TMEM181: variants seen among roughly 807,000 people sequenced by gnomAD.
The protein encoded by TMEM181 is transmembrane protein 181, also known as G protein-coupled receptor 178.
TMEM181 carries 39 observed loss-of-function variants against 71.9 expected under a neutral mutation model. The ratio of observed to expected loss-of-function variants is 0.54; its 90% CI spans 0.42 to 0.71. The LOEUF (loss-of-function observed/expected upper bound fraction) is 0.71. TMEM181 is among the 30% of genes least tolerant of loss of function. The pLI is 0.00. For synonymous variants in TMEM181, 245 were observed against 228.8 expected (o/e 1.07, Z -0.64); for missense variants, 595 against 583.0 (o/e 1.02, Z -0.21).
chr6:158,590,570 TCTC>T (rs1241952751), intron 6 of TMEM181, among the ~76,000 whole-genome samples: 18 of 152,258 alleles, frequency 1.2e-4, no homozygotes, highest in African/African-American at 4.1e-4. Context: ...TTCAAGCAAT[TCTC>T]CTGCCTCAGC....
chr6:158,627,166 TCACA>T (rs1227763024), intron 13 of TMEM181, among the ~76,000 whole-genome samples: 8 of 143,588 alleles, frequency 5.6e-5, no homozygotes, highest in Middle Eastern at 4.3e-3. Flanking sequence ...TCACACATCC[TCACA>T]CACACCCTCA....
chr6:158,613,722 G>A lies in TMEM181; in HGVS notation c.896+4972G>A, dbSNP rs189285613. Among the ~76,000 whole-genome samples, 323 of 152,286 alleles carry A rather than the reference G, an allele frequency of 2.1e-3. 1 individual carries two copies. Among genetic ancestry groups the A allele is most frequent in the Non-Finnish European group, 3.0e-3 (207 of 68,024 alleles). ...AGTTTCTCCAATTGTGTTCTGTTACGCAAGAAAATATATTCTTACCGCACT... is the reference window on the plus strand; with the variant it reads ...AGTTTCTCCAATTGTGTTCTGTTACACAAGAAAATATATTCTTACCGCACT... On this transcript the variant is annotated intron_variant, in intron 10 of 16. Transcript: ENST00000684151.
At chr6:158,597,216 G>T (rs904694640) in intron 6 of TMEM181, among the ~76,000 whole-genome samples, 5 of 152,050 alleles carry the variant, frequency 3.3e-5, no homozygotes, top group African/African-American at 1.2e-4. Flanking sequence ...ATGAACATTT[G>T]GTTCATTTGT....
chr6:158,557,807 G>A (rs142423468), upstream of TMEM181, among the ~76,000 whole-genome samples: 2,108 of 152,322 alleles, frequency 0.014, 50 homozygotes, highest in African/African-American at 0.047. Context: ...GAGCCACCAT[G>A]CCCATGCCCG....
intron 6 of TMEM181, among the ~76,000 whole-genome samples, chr6:158,603,402 T>G (rs1257980091): frequency 2.0e-5 from 3 of 152,090 alleles, no homozygotes; most frequent in African/African-American, 7.2e-5. Flanking sequence ...TCTGTGAGAA[T>G]CTAATGCCCT....
chr6:158,591,643 C>G (rs1387395280), intron 6 of TMEM181, among the ~76,000 whole-genome samples: 1 of 151,984 alleles, frequency 6.6e-6, no homozygotes, highest in Non-Finnish European at 1.5e-5. Flanking sequence ...ATCATCTGTG[C>G]TTTAGACTTT....
intron 13 of TMEM181, among the ~76,000 whole-genome samples, chr6:158,627,293 A>G (rs115813125): frequency 0.021 from 3,167 of 152,284 alleles, 122 homozygotes; most frequent in African/African-American, 0.073. Context: ...TTGCCCTGCC[A>G]TGTGATCTCT....
chr6:158,599,088 T>C (rs574240888), intron 6 of TMEM181, among the ~76,000 whole-genome samples: 208 of 152,346 alleles, frequency 1.4e-3, no homozygotes, highest in African/African-American at 4.7e-3. Context: ...TTTCTGTGGT[T>C]GTCCATTCAG....
chr6:158,609,309 C>A (rs1224293830), intron 10 of TMEM181, among the ~76,000 whole-genome samples: 1 of 151,978 alleles, frequency 6.6e-6, no homozygotes, highest in African/African-American at 2.4e-5. Context: ...TATACCCATA[C>A]TATGTTTTTC....
At chr6:158,605,182 A>T in intron 6 of TMEM181, 85 bp from the exon 7 acceptor site, 1 of 966,182 alleles carries the variant, frequency 1.0e-6, no homozygotes, top group Non-Finnish European at 1.6e-6. Context: ...TGTCTCATCT[A>T]GAGATAACTA....
At chr6:158,602,516 T>G (rs1377512968) in intron 6 of TMEM181, among the ~76,000 whole-genome samples, 1 of 152,236 alleles carries the variant, frequency 6.6e-6, no homozygotes, top group African/African-American at 2.4e-5. Flanking sequence ...TTACTTCATA[T>G]CCCGTCAATG....
At chr6:158,628,137 G>C (rs1404521842) in intron 13 of TMEM181, 1 of 622,230 alleles carries the variant, frequency 1.6e-6, no homozygotes, top group Non-Finnish European at 3.0e-6. Flanking sequence ...GGGAGAGTGT[G>C]ATGGGGCCTG....
At chr6:158,538,467 C>G (rs1466468323) in intron 1 of TMEM181, among the ~76,000 whole-genome samples, 1 of 112,890 alleles carries the variant, frequency 8.9e-6, no homozygotes, top group Non-Finnish European at 2.1e-5. Flanking sequence ...TTTTTTTTTT[C>G]CTGTATTTTC....
chr6:158,584,232 T>C (rs1014452108), intron 4 of TMEM181, among the ~76,000 whole-genome samples, 188 bp downstream of exon 4: 2 of 152,262 alleles, frequency 1.3e-5, no homozygotes, highest in Admixed American at 6.5e-5. Context: ...AAAGTTGCGA[T>C]AGATAGACGT....
chr6:158,608,113 G>A (rs1241420213), intron 8 of TMEM181, among the ~76,000 whole-genome samples: 7 of 152,208 alleles, frequency 4.6e-5, no homozygotes, highest in African/African-American at 1.7e-4. Context: ...CTCTGACCAG[G>A]GAGAAAAGCT....
At chr6:158,611,079 A>G in intron 10 of TMEM181, 1 of 478,150 alleles carries the variant, frequency 2.1e-6, no homozygotes, top group Non-Finnish European at 4.1e-6. Context: ...GGTGGAGAGC[A>G]TTTGTCAGTG....
At chr6:158,544,552 G>T (rs1185504774) in intron 1 of TMEM181, among the ~76,000 whole-genome samples, 1 of 152,196 alleles carries the variant, frequency 6.6e-6, no homozygotes, top group African/African-American at 2.4e-5. Flanking sequence ...TGCAGAAAGG[G>T]ACGGGGCGCT....
intron 6 of TMEM181, among the ~76,000 whole-genome samples, chr6:158,604,842 TAAC>T (rs1309189095): frequency 1.3e-5 from 2 of 152,232 alleles, no homozygotes; most frequent in African/African-American, 2.4e-5. Flanking sequence ...TTTATCCATG[TAAC>T]AACATTTGAA....
chr6:158,566,905 C>T (rs887303790), intron 1 of TMEM181, among the ~76,000 whole-genome samples: 1 of 152,124 alleles, frequency 6.6e-6, no homozygotes, highest in Non-Finnish European at 1.5e-5. Context: ...ACCTGGCTCA[C>T]GGTGATTTGC....
Sources: allele counts gnomAD v4.1 joint callset (sites outside exome capture counted in the v4.1 genomes callset), GRCh38; gene constraint gnomAD v4.1.1; transcripts MANE v1.5; gene names NCBI Gene and HGNC (gene_info 2026-07-23, HGNC 2026-07-21).